AQP11: variants seen among roughly 807,000 people sequenced by gnomAD.
AQP11 encodes aquaporin-11.
A neutral mutation model predicts 21.1 loss-of-function variants in AQP11; 20 were observed. The ratio of observed to expected loss-of-function variants is 0.95; its 90% CI spans 0.67 to 1.38. AQP11 has a LOEUF of 1.38. Ranked by LOEUF, AQP11 falls within the 40% of genes most tolerant of loss-of-function variation. The pLI, the probability that AQP11 is intolerant of heterozygous loss-of-function variation, is 0.00. For missense variants in AQP11, 339 were observed against 340.4 expected, an observed-to-expected ratio of 1.00 and a Z score of 0.03; for synonymous variants, 167 against 150.1, an observed-to-expected ratio of 1.11 and a Z score of -0.82.
At position 77,590,387 on chromosome 11, in the gene AQP11, G is replaced by T. The variant is rs368695449; in HGVS notation, c.395G>T (p.Arg132Met). Residue 132 changes from arginine (R) to methionine (M), a missense_variant, in exon 1 of 3, where the codon AGG becomes ATG. By Grantham distance (91) the Arg-to-Met change is moderately conservative. Coordinates refer to ENST00000313578, the MANE Select transcript of AQP11 (RefSeq NM_173039.3). ...CAGCTGGTTAGTGCCCTGTGCAGCA[G>T]GTACTGCACAAGCGCCTTGTGGAGC... is the stretch of plus-strand genomic sequence containing the variant. The part of the protein sequence containing the change: ...LAQLVSALCS[R>M]YCTSALWSLG... 6.2e-7 allele frequency: 1 copy of T among 1,614,024 alleles called. No homozygotes were observed. Among genetic ancestry groups the T allele is most frequent in the Admixed American group, 1.7e-5 (1 of 60,030 alleles).
At chr11:77,605,128 G>C (rs1002956170) in intron 2 of AQP11, among the ~76,000 whole-genome samples, 1 of 152,204 alleles carries the variant, frequency 6.6e-6, no homozygotes, top group Non-Finnish European at 1.5e-5. Context: ...AGGAGGCGGA[G>C]CTTGCAGTGA....
intron 2 of AQP11, among the ~76,000 whole-genome samples, chr11:77,604,960 G>A (rs1379712581): frequency 1.3e-5 from 2 of 152,174 alleles, no homozygotes; most frequent in Admixed American, 6.5e-5. Flanking sequence ...TTGGGAGGCC[G>A]AGGCAGGCAG....
chr11:77,593,781 C>G (rs1958762986), intron 1 of AQP11, among the ~76,000 whole-genome samples: 1 of 152,170 alleles, frequency 6.6e-6, no homozygotes, highest in Non-Finnish European at 1.5e-5. Context: ...ACTATGGTTC[C>G]AACTGGCACT....
At chr11:77,603,791 A>G (rs1239786832) in intron 2 of AQP11, 119 bp downstream of exon 2, 1 of 703,660 alleles carries the variant, frequency 1.4e-6, no homozygotes, top group African/African-American at 1.8e-5. Flanking sequence ...AGAAAATGAA[A>G]AAGGTAGCTA....
intron 1 of AQP11, among the ~76,000 whole-genome samples, chr11:77,597,443 G>A (rs1275064423): frequency 1.3e-5 from 2 of 152,068 alleles, no homozygotes; most frequent in African/African-American, 4.8e-5. Flanking sequence ...ATGGTGGCTC[G>A]CGCCTGTAGT....
At chr11:77,604,061 TAAGTA>T (rs1240629050) in intron 2 of AQP11, among the ~76,000 whole-genome samples, 2 of 152,218 alleles carry the variant, frequency 1.3e-5, no homozygotes, top group Admixed American at 1.3e-4. Context: ...ATACCTGTAT[TAAGTA>T]TAGTTTAAAA....
At chr11:77,603,725 G>A (rs1178801710) in intron 2 of AQP11, 53 bp downstream of exon 2, 2 of 1,330,120 alleles carry the variant, frequency 1.5e-6, no homozygotes, top group Non-Finnish European at 2.1e-6. Context: ...TTTAAAATAT[G>A]ATATGTGTAT....
At chr11:77,606,036 CAAAAAA>C (rs11326964) in intron 2 of AQP11, among the ~76,000 whole-genome samples, 1 of 63,974 alleles carries the variant, frequency 1.6e-5, no homozygotes, top group South Asian at 6.9e-4. Context: ...GAGCGAGTCT[CAAAAAA>C]AAAAAAAAAA....
intron 1 of AQP11, among the ~76,000 whole-genome samples, chr11:77,600,668 G>C (rs2135748488): frequency 6.6e-6 from 1 of 152,332 alleles, no homozygotes; most frequent in East Asian, 1.9e-4. Context: ...GTTTAGGGCT[G>C]TTTTCCTATG....
Position 77,609,281 on chromosome 11 carries a change from T to C in AQP11, c.737-17T>C, listed in dbSNP as rs779361867. 4 of 1,599,632 alleles carry C rather than the reference T, an allele frequency of 2.5e-6. No individual in the cohort carries two copies. Among genetic ancestry groups the C allele is most frequent in the Non-Finnish European group, 3.4e-6 (4 of 1,170,352 alleles). On this transcript the variant is annotated splice_polypyrimidine_tract_variant and intron_variant, in intron 2 of 2. Coordinates refer to ENST00000313578, the MANE Select transcript of AQP11 (RefSeq NM_173039.3). The stretch of plus-strand genomic sequence containing the variant: ...CTTAAAGATTGTTTTTTTATTTTAC[T>C]GTATTTTGTCTTTCAGGTATATTGT...
In AQP11 at chr11:77,599,930, CTA is replaced by C. The variant is rs1175263575; in HGVS notation, c.620-3625_620-3624del. Among the ~76,000 whole-genome samples, 6 of 151,898 alleles carry C rather than the reference CTA, an allele frequency of 4.0e-5. No individual in the cohort carries two copies. The South Asian group carries it at 1.0e-3, about 26-fold the overall frequency. On this transcript the variant is annotated intron_variant, in intron 1 of 2. Coordinates refer to ENST00000313578, the MANE Select transcript of AQP11 (RefSeq NM_173039.3). Reference sequence around the variant, plus strand: ...ATTTACTATACATATAGATAAAACCCTACAGGAATGATATATTATTACTGTTA... The same window carrying C: ...ATTTACTATACATATAGATAAAACCCCAGGAATGATATATTATTACTGTTA...
chr11:77,604,964 C>T, intron 2 of AQP11, among the ~76,000 whole-genome samples: 1 of 152,100 alleles, frequency 6.6e-6, no homozygotes, highest in East Asian at 1.9e-4. Context: ...GAGGCCGAGG[C>T]AGGCAGATCA....
intron 1 of AQP11, among the ~76,000 whole-genome samples, 190 bp from the exon 2 acceptor site, chr11:77,603,365 CT>C (rs898216711): frequency 3.3e-5 from 5 of 151,180 alleles, no homozygotes; most frequent in Non-Finnish European, 3.0e-5. Flanking sequence ...TGTCCTCTGT[CT>C]TTTTTTTTAT....
chr11:77,596,596 C>A (rs1180310226), intron 1 of AQP11, among the ~76,000 whole-genome samples: 3 of 131,982 alleles, frequency 2.3e-5, no homozygotes, highest in African/African-American at 8.4e-5. Context: ...TATGGTGGCT[C>A]ATGTCTGTAA....
intron 1 of AQP11, chr11:77,590,958 G>A (rs1404928759): frequency 1.0e-6 from 1 of 985,292 alleles, no homozygotes; most frequent in African/African-American, 1.7e-5. Flanking sequence ...AGGTGGTATA[G>A]ATCGTTTCGG....
Position 77,609,296 on chromosome 11 carries a change from A to C in AQP11, c.737-2A>C. The C allele has an allele frequency of 6.2e-7, 1 of 1,609,442 alleles. No individual in the cohort carries two copies. The highest frequency in any genetic ancestry group is 8.5e-7 in the Non-Finnish European group (1 of 1,177,322). Reference sequence around the variant, plus strand: ...TTTATTTTACTGTATTTTGTCTTTCAGGTATATTGTTGATGATTTTGATGT... The same window carrying C: ...TTTATTTTACTGTATTTTGTCTTTCCGGTATATTGTTGATGATTTTGATGT... On this transcript the variant is annotated splice_acceptor_variant, in intron 2 of 2. Transcript: ENST00000313578. LOFTEE classifies it high-confidence loss of function.
At chr11:77,601,961 T>A (rs1260997470) in intron 1 of AQP11, among the ~76,000 whole-genome samples, 1 of 152,110 alleles carries the variant, frequency 6.6e-6, no homozygotes, top group Non-Finnish European at 1.5e-5. Flanking sequence ...ATCACTCCTG[T>A]TACATTCAGA....
intron 1 of AQP11, among the ~76,000 whole-genome samples, chr11:77,602,821 C>G (rs1958822655): frequency 6.6e-6 from 1 of 152,174 alleles, no homozygotes; most frequent in South Asian, 2.1e-4. Context: ...GGAAAAACTG[C>G]TGAAAATGTC....
intron 1 of AQP11, among the ~76,000 whole-genome samples, chr11:77,600,220 C>T (rs1474446412): frequency 2.0e-5 from 3 of 151,676 alleles, no homozygotes; most frequent in Admixed American, 1.3e-4. Context: ...ACACCCACCT[C>T]GCCCTCCTAA....
Sources: gnomAD v4.1 joint callset for allele counts (sites outside exome capture counted in the v4.1 genomes callset) on GRCh38, gnomAD v4.1.1 for gene constraint, MANE v1.5 for transcripts, NCBI Gene and HGNC (gene_info 2026-07-23, HGNC 2026-07-21) for gene names.